MKLN1: variants seen among roughly 807,000 people sequenced by gnomAD.
MKLN1 encodes the protein muskelin 1.
In MKLN1, 18 loss-of-function variants were observed where a neutral mutation model predicts 99.0. The ratio of observed to expected loss-of-function variants is 0.18; its 90% CI spans 0.13 to 0.27. The LOEUF (loss-of-function observed/expected upper bound fraction) is 0.27. Among genes scored for constraint, MKLN1 ranks in the 10% least tolerant of loss-of-function variants. MKLN1 has a pLI of 1.00. For synonymous variants in MKLN1, 288 were observed against 293.2 expected (o/e 0.98, Z 0.18); for missense variants, 621 against 875.9 (o/e 0.71, Z 3.67).
At chr7:131,212,905 A>G (rs1309938705) in intron 3 of MKLN1, among the ~76,000 whole-genome samples, 1 of 151,482 alleles carries the variant, frequency 6.6e-6, no homozygotes, top group Non-Finnish European at 1.5e-5. Context: ...CCTGGGCAAC[A>G]AGAGCAAAAC....
At chr7:131,126,913 C>T (rs1316103999) in intron 1 of MKLN1, among the ~76,000 whole-genome samples, 3 of 152,066 alleles carry the variant, frequency 2.0e-5, no homozygotes, top group Non-Finnish European at 2.9e-5. Flanking sequence ...CGCCTGTAAT[C>T]TCAGCACTTT....
chr7:131,452,515 T>A (rs1253119618), intron 12 of MKLN1, among the ~76,000 whole-genome samples: 1 of 150,454 alleles, frequency 6.6e-6, no homozygotes, highest in African/African-American at 2.4e-5. Flanking sequence ...AGTATGGTCA[T>A]AACTCTTTAT....
Position 131,161,963 on chromosome 7 carries a change from GTATATATATATATATATATATA to G in MKLN1, c.-297+19038_-297+19059del, listed in dbSNP as rs71168374. ...CACATATATATACGTGTGTGTGTGT[GTATATATATATATATATATATA>G]TATATATATATATATGTAACAGAGT... On this transcript the variant is annotated intron_variant, in intron 2 of 7. Transcript: ENST00000416992. 7.3e-5 allele frequency among the ~76,000 whole-genome samples: 8 copies of G among 109,296 alleles called. 1 individual carries two copies. Among genetic ancestry groups the G allele is most frequent in the African/African-American group, 2.5e-4 (7 of 28,198 alleles). The allele number at this position is 109,296 out of a possible 152,430, so 71.7% of individuals were successfully genotyped here.
intron 3 of MKLN1, among the ~76,000 whole-genome samples, chr7:131,211,305 A>G (rs1421808702): frequency 6.6e-6 from 1 of 152,212 alleles, no homozygotes; most frequent in African/African-American, 2.4e-5. Context: ...TAAATACTTT[A>G]TTATATGCAG....
intron 2 of MKLN1, among the ~76,000 whole-genome samples, chr7:131,170,142 T>G (rs4286885): frequency 0.9 from 136,965 of 152,142 alleles, 62,329 homozygotes; most frequent in East Asian, 0.97. Flanking sequence ...TGACATAGAC[T>G]TGAGGAGTCA....
intron 8 of MKLN1, among the ~76,000 whole-genome samples, chr7:131,415,457 G>T (rs1794990843): frequency 1.3e-5 from 2 of 151,986 alleles, no homozygotes; most frequent in African/African-American, 2.4e-5. Flanking sequence ...AATAAAAATG[G>T]TTACAATGTA....
Position 131,176,360 on chromosome 7 carries a change from G to T in MKLN1, c.-296-26497G>T, listed in dbSNP as rs975216426. ...ATTTTATTTTGTGGGTTTTTAAAAA[G>T]ATTTATATTATTGCTTTCCTTTTTT... On this transcript the variant is annotated intron_variant, in intron 2 of 7. Coordinates refer to the MKLN1 transcript ENST00000416992. Among the ~76,000 whole-genome samples, 4 of 152,124 alleles carry T rather than the reference G, an allele frequency of 2.6e-5. No homozygotes were observed. In the East Asian group the frequency reaches 7.7e-4, roughly 29 times the overall value.
At chr7:131,151,545 A>T (rs912528929) in intron 2 of MKLN1, among the ~76,000 whole-genome samples, 1 of 152,230 alleles carries the variant, frequency 6.6e-6, no homozygotes, top group Non-Finnish European at 1.5e-5. Context: ...TATGATCTGT[A>T]CCCAATCAAA....
At chr7:131,472,744 A>T (rs1236030413) in intron 16 of MKLN1, among the ~76,000 whole-genome samples, 10 of 151,972 alleles carry the variant, frequency 6.6e-5, no homozygotes, top group Non-Finnish European at 1.5e-4. Context: ...AGGTCAGGAG[A>T]TCGAGACCAT....
chr7:131,233,435 C>G (rs942043532), intron 3 of MKLN1, among the ~76,000 whole-genome samples: 2 of 151,100 alleles, frequency 1.3e-5, no homozygotes, highest in African/African-American at 4.8e-5. Flanking sequence ...TGCGTCATGA[C>G]AGGGTTATAA....
rs1472504873 is a variant in MKLN1, at chr7:131,491,217, C to G, written c.*3489C>G. ...GTATATTCTAAATAAAGTCATCTAA[C>G]TATTAAAAAAAAAACACCCTTCCTA... On this transcript the variant is annotated 3_prime_UTR_variant, in exon 18 of 18. Coordinates refer to ENST00000352689, the MANE Select transcript of MKLN1 (RefSeq NM_013255.5). 6.6e-6 allele frequency: 1 copy of G among 151,718 alleles called. No individual in the cohort carries two copies. The highest frequency in any genetic ancestry group is 2.4e-5 in the African/African-American group (1 of 41,336). The allele number at this position is 151,718 out of a possible 1,614,324, so 9.4% of individuals were successfully genotyped here. A position where few individuals can be genotyped will look rare whatever the true frequency, so the allele number is the denominator to read the frequency against.
chr7:131,154,328 C>T (rs542370680), intron 2 of MKLN1, among the ~76,000 whole-genome samples: 4 of 151,896 alleles, frequency 2.6e-5, no homozygotes, highest in Non-Finnish European at 4.4e-5. Context: ...ATGATCCACC[C>T]GCCTTGGCCT....
At chr7:131,420,967 A>G (rs768028608) in intron 8 of MKLN1, among the ~76,000 whole-genome samples, 2 of 152,176 alleles carry the variant, frequency 1.3e-5, no homozygotes, top group Non-Finnish European at 2.9e-5. Flanking sequence ...GTCATTTATT[A>G]TACTAATATT....
intron 3 of MKLN1, among the ~76,000 whole-genome samples, chr7:131,240,443 TAACTATCATGC>T (rs576174812): frequency 8.1e-4 from 124 of 152,196 alleles, no homozygotes; most frequent in African/African-American, 2.8e-3. Context: ...GAGATCTCAA[TAACTATCATGC>T]AAACGTTTAA....
chr7:131,239,427 C>T (rs1203674876), intron 3 of MKLN1, among the ~76,000 whole-genome samples: 2 of 152,010 alleles, frequency 1.3e-5, no homozygotes, highest in African/African-American at 4.8e-5. Context: ...TCAAGTGATC[C>T]TTCCACCTCA....
Position 131,463,218 on chromosome 7 carries a change from T to A in MKLN1, c.1527T>A (p.Val509=). 1 of 1,607,750 alleles carries A rather than the reference T, an allele frequency of 6.2e-7. No homozygotes were observed. The highest frequency in any genetic ancestry group is 1.1e-5 in the South Asian group (1 of 90,344). The change falls in exon 13 of 18, where the codon GTT becomes GTA. Residue 509 remains valine (V), a splice_region_variant and synonymous_variant. Transcript: ENST00000352689. ...CTTATTTTTTTCTTTAATTTGTAGTTCCAATGACAGGATTTACACAGAGAG... is the reference window on the plus strand; with the variant it reads ...CTTATTTTTTTCTTTAATTTGTAGTACCAATGACAGGATTTACACAGAGAG... ...SDGTKKDSGM[V]PMTGFTQRAT... is the part of the protein sequence containing the mutation.
At chr7:131,192,042 GTATATGTATACATGTATATATATAT>G (rs1584821753) in intron 2 of MKLN1, among the ~76,000 whole-genome samples, 15 of 109,356 alleles carry the variant, frequency 1.4e-4, no homozygotes, top group African/African-American at 3.4e-4. Context: ...ATGTGTGTGT[GTATATGTATACATGTATATATATAT>G]TATATATATA....
intron 3 of MKLN1, among the ~76,000 whole-genome samples, chr7:131,207,624 G>T (rs1796838613): frequency 6.6e-6 from 1 of 152,160 alleles, no homozygotes; most frequent in Non-Finnish European, 1.5e-5. Flanking sequence ...TTGCTGCACG[G>T]TTTCAATGTA....
chr7:131,451,836 G>A (rs188899043), intron 12 of MKLN1, among the ~76,000 whole-genome samples: 2 of 152,298 alleles, frequency 1.3e-5, no homozygotes, highest in Admixed American at 1.3e-4. Flanking sequence ...TGAAACTTAT[G>A]TGTAGAAGAT....
Sources: gnomAD v4.1 joint callset for allele counts (sites outside exome capture counted in the v4.1 genomes callset) on GRCh38, gnomAD v4.1.1 for gene constraint, MANE v1.5 for transcripts, NCBI Gene and HGNC (gene_info 2026-07-23, HGNC 2026-07-21) for gene names.